The following TTLL11 variants were observed in gnomAD, a reference collection of about 807,000 sequenced individuals.
The protein encoded by TTLL11 is tubulin tyrosine ligase like 11, also known as tubulin polyglutamylase TTLL11.
Under a neutral mutation model 51.7 loss-of-function variants are expected in TTLL11, and 42 were observed. That is an observed-to-expected ratio of 0.81 (90% CI 0.64 to 1.05). The LOEUF (loss-of-function observed/expected upper bound fraction) is 1.05. Ranked by LOEUF, TTLL11 falls within the 50% of genes least tolerant of loss-of-function variation. The probability of loss-of-function intolerance (pLI) is 0.00; values close to 1 mark genes in which losing one functional copy is unlikely to be tolerated. For missense variants in TTLL11, 799 were observed against 940.4 expected (o/e 0.85, Z 1.97); for synonymous variants, 381 against 383.5 (o/e 0.99, Z 0.08).
chr9:121,833,934 C>T (rs1255318163), intron 8 of TTLL11, among the ~76,000 whole-genome samples: 1 of 152,174 alleles, frequency 6.6e-6, no homozygotes, highest in African/African-American at 2.4e-5. Flanking sequence ...CCAAGCCCTT[C>T]TCTCTCCCCA....
Position 121,820,629 on chromosome 9 carries a change from C to T in TTLL11, c.*1958G>A, listed in dbSNP as rs1402617311. On this transcript the variant is annotated 3_prime_UTR_variant, in exon 9 of 9. Coordinates refer to ENST00000321582, the MANE Select transcript of TTLL11 (RefSeq NM_001139442.2). Reference sequence around the variant, plus strand: ...CAGACACACCTGGACCAAGTCCTGACTACATGGCCTCCTGGGCCTTCCTTT... The same window carrying T: ...CAGACACACCTGGACCAAGTCCTGATTACATGGCCTCCTGGGCCTTCCTTT... Among the ~76,000 whole-genome samples the T allele has an allele frequency of 1.3e-5, 2 of 152,220 alleles. No individual in the cohort carries two copies. Among genetic ancestry groups the T allele is most frequent in the South Asian group, 4.2e-4 (2 of 4,810 alleles).
intron 1 of TTLL11, among the ~76,000 whole-genome samples, chr9:122,044,651 C>T (rs1844950987): frequency 6.6e-6 from 1 of 152,074 alleles, no homozygotes; most frequent in Non-Finnish European, 1.5e-5. Flanking sequence ...TACAACTCAA[C>T]AATGAAAAAA....
Position 121,820,452 on chromosome 9 carries a change from C to T in TTLL11, c.*2135G>A, listed in dbSNP as rs1310220109. 6.6e-6 allele frequency among the ~76,000 whole-genome samples: 1 copy of T among 152,174 alleles called. No homozygotes were observed. Among genetic ancestry groups the T allele is most frequent in the Non-Finnish European group, 1.5e-5 (1 of 68,036 alleles). ...GGGAGAGCTGCATGGGGGCTTCAAA[C>T]ATTGTTTCTCACAATGGACCATTTA... On this transcript the variant is annotated 3_prime_UTR_variant, in exon 9 of 9. Coordinates refer to ENST00000321582, the MANE Select transcript of TTLL11 (RefSeq NM_001139442.2).
intron 6 of TTLL11, among the ~76,000 whole-genome samples, chr9:121,963,392 G>A (rs1842300347): frequency 6.6e-6 from 1 of 152,162 alleles, no homozygotes; most frequent in African/African-American, 2.4e-5. Context: ...GCTAACAACT[G>A]CTGATTCTAA....
intron 3 of TTLL11, among the ~76,000 whole-genome samples, chr9:121,991,749 T>C (rs558820532): frequency 1.0e-3 from 152 of 152,246 alleles, no homozygotes; most frequent in Non-Finnish European, 1.9e-3. Context: ...TTTGCCAGAA[T>C]AGTGCCATAC....
intron 8 of TTLL11, among the ~76,000 whole-genome samples, chr9:121,850,654 C>T (rs1374270487): frequency 1.3e-5 from 2 of 152,100 alleles, no homozygotes; most frequent in Non-Finnish European, 2.9e-5. Context: ...TTGGATGGTG[C>T]CCACTCACAT....
chr9:122,047,549 C>T (rs1051489846), intron 1 of TTLL11, among the ~76,000 whole-genome samples: 1 of 151,724 alleles, frequency 6.6e-6, no homozygotes, highest in Non-Finnish European at 1.5e-5. Context: ...ATGAACCCAG[C>T]GACCCAGCTG....
chr9:121,894,205 AAG>A (rs1839367198), intron 6 of TTLL11, among the ~76,000 whole-genome samples: 1 of 152,168 alleles, frequency 6.6e-6, no homozygotes, highest in Non-Finnish European at 1.5e-5. Context: ...AGACCCCTAA[AAG>A]AAGAGACTTA....
chr9:122,073,244 T>G (rs559894006), intron 1 of TTLL11, among the ~76,000 whole-genome samples: 2 of 151,968 alleles, frequency 1.3e-5, no homozygotes, highest in Admixed American at 6.6e-5. Flanking sequence ...ACCCCATCTC[T>G]ACTAAAATAC....
rs544787046 is a variant in TTLL11, at chr9:121,847,083, G to T, written c.1840+13254C>A. 3.3e-3 allele frequency among the ~76,000 whole-genome samples: 498 copies of T among 151,982 alleles called. 4 individuals carry two copies. The highest frequency in any genetic ancestry group is 0.011 in the African/African-American group (473 of 41,482). On this transcript the variant is annotated intron_variant, in intron 8 of 8. Transcript: ENST00000321582. Reference sequence around the variant, plus strand: ...AAATTAGCCAGGCGTGGTGGCTGGCGCCTATAGTCCCAGCTACTCGGGAGG... The same window carrying T: ...AAATTAGCCAGGCGTGGTGGCTGGCTCCTATAGTCCCAGCTACTCGGGAGG...
At chr9:121,976,706 G>A (rs1425849931) in intron 4 of TTLL11, among the ~76,000 whole-genome samples, 1 of 152,066 alleles carries the variant, frequency 6.6e-6, no homozygotes, top group Non-Finnish European at 1.5e-5. Context: ...ACCATTTTTG[G>A]GGGCTGATTC....
chr9:122,076,541 A>C (rs1845864886), intron 1 of TTLL11, among the ~76,000 whole-genome samples: 1 of 152,232 alleles, frequency 6.6e-6, no homozygotes, highest in Non-Finnish European at 1.5e-5. Flanking sequence ...GTATGGAGTC[A>C]GAATTCATCC....
intron 8 of TTLL11, among the ~76,000 whole-genome samples, chr9:121,845,695 G>A (rs376990146): frequency 1.3e-5 from 2 of 152,120 alleles, no homozygotes; most frequent in African/African-American, 4.8e-5. Flanking sequence ...GGGGTATAGT[G>A]TTATTTGAAA....
intron 3 of TTLL11, among the ~76,000 whole-genome samples, chr9:122,025,015 T>C (rs769468199): frequency 3.9e-5 from 6 of 152,092 alleles, no homozygotes; most frequent in Non-Finnish European, 7.4e-5. Context: ...GTACCTACTA[T>C]GTAGACACAA....
At chr9:121,968,723 AT>A (rs998684601) in intron 6 of TTLL11, among the ~76,000 whole-genome samples, 1 of 149,242 alleles carries the variant, frequency 6.7e-6, no homozygotes, top group Non-Finnish European at 1.5e-5. Flanking sequence ...TGCCTGGCTA[AT>A]TTTTTTTTGT....
At chr9:121,927,270 C>T (rs969788404) in intron 6 of TTLL11, among the ~76,000 whole-genome samples, 2 of 152,238 alleles carry the variant, frequency 1.3e-5, no homozygotes, top group African/African-American at 4.8e-5. Flanking sequence ...CTCAGCACAG[C>T]ATCTGACACA....
At chr9:122,004,958 A>G (rs1184468021) in intron 3 of TTLL11, among the ~76,000 whole-genome samples, 1 of 152,240 alleles carries the variant, frequency 6.6e-6, no homozygotes, top group African/African-American at 2.4e-5. Context: ...CCCAGGAGAC[A>G]TGGATACAAT....
At position 121,816,333 on chromosome 9, in the gene TTLL11, G is replaced by C. The variant is rs12345709; in HGVS notation, c.*6254C>G. 6.6e-6 allele frequency: 1 copy of C among 152,170 alleles called. No homozygotes were observed. The highest frequency in any genetic ancestry group is 1.5e-5 in the Non-Finnish European group (1 of 68,040). 9.4% of individuals were successfully genotyped at this position (152,170 alleles called of 1,614,324 possible). On this transcript the variant is annotated 3_prime_UTR_variant, in exon 9 of 9. Transcript: ENST00000321582. The stretch of plus-strand genomic sequence containing the variant: ...GTCAGTGTTCTGTGGCCCAAGACTG[G>C]GTCCTGGTTGGAATCTTAGCAAACA...
intron 6 of TTLL11, among the ~76,000 whole-genome samples, chr9:121,880,446 A>G (rs896967161): frequency 1.3e-5 from 2 of 152,206 alleles, no homozygotes. Context: ...CGGCTTTTGG[A>G]GATAGAATCA....
Sources: allele counts gnomAD v4.1 joint callset (sites outside exome capture counted in the v4.1 genomes callset), GRCh38; gene constraint gnomAD v4.1.1; transcripts MANE v1.5; gene names NCBI Gene and HGNC (gene_info 2026-07-23, HGNC 2026-07-21).